The following SORCS2 variants were observed in gnomAD, a reference collection of about 807,000 sequenced individuals.
The protein encoded by SORCS2 is sortilin related VPS10 domain containing receptor 2, also known as VPS10 domain-containing receptor SorCS2.
SORCS2 carries 100 observed loss-of-function variants against 141.6 expected under a neutral mutation model. The observed-to-expected ratio is 0.71, with a 90% CI of 0.60 to 0.83. The LOEUF is 0.83. Ranked by LOEUF, SORCS2 falls within the 40% of genes least tolerant of loss-of-function variation. The pLI, the probability that SORCS2 is intolerant of heterozygous loss-of-function variation, is 0.00. For synonymous variants in SORCS2, 789 were observed against 676.9 expected (o/e 1.17, Z -2.57); for missense variants, 1,646 against 1,560.2 (o/e 1.05, Z -0.93).
intron 1 of SORCS2, among the ~76,000 whole-genome samples, chr4:7,304,620 G>T (rs1163657352): frequency 2.0e-5 from 3 of 152,180 alleles, no homozygotes; most frequent in Non-Finnish European, 2.9e-5. Context: ...CTTAGCCCTC[G>T]ATTCTTCCTC....
chr4:7,374,684 C>A (rs949495024), intron 1 of SORCS2, among the ~76,000 whole-genome samples: 1 of 152,144 alleles, frequency 6.6e-6, no homozygotes, highest in African/African-American at 2.4e-5. Context: ...CGCTGAACAG[C>A]CCACACATTT....
chr4:7,617,924 G>A (rs940214260), intron 3 of SORCS2, among the ~76,000 whole-genome samples: 8 of 152,132 alleles, frequency 5.3e-5, no homozygotes, highest in Non-Finnish European at 8.8e-5. Flanking sequence ...TCTGGGATTC[G>A]CAGTCAGGAG....
chr4:7,232,835 G>C (rs1427608405), intron 1 of SORCS2, among the ~76,000 whole-genome samples: 2 of 152,218 alleles, frequency 1.3e-5, no homozygotes, highest in African/African-American at 2.4e-5. Context: ...CCAACAGACT[G>C]TCATGTGTCA....
chr4:7,736,996 C>G, intron 25 of SORCS2, 73 bp from the exon 26 acceptor site: 2 of 1,532,180 alleles, frequency 1.3e-6, no homozygotes, highest in South Asian at 2.4e-5. Flanking sequence ...GTCAGGCGGC[C>G]AGCGGAAGGC....
At chr4:7,199,193 G>C (rs1394457225) in intron 1 of SORCS2, among the ~76,000 whole-genome samples, 1 of 152,216 alleles carries the variant, frequency 6.6e-6, no homozygotes, top group Non-Finnish European at 1.5e-5. Flanking sequence ...GCAGAGGAAG[G>C]GCCTGGAGCC....
At chr4:7,510,655 A>C (rs1351938341) in intron 2 of SORCS2, among the ~76,000 whole-genome samples, 1 of 150,352 alleles carries the variant, frequency 6.7e-6, no homozygotes, top group Non-Finnish European at 1.5e-5. Context: ...TGGGTGCGGC[A>C]TGTCCTGGAA....
intron 1 of SORCS2, among the ~76,000 whole-genome samples, chr4:7,317,745 A>G (rs2336114): frequency 0.59 from 89,597 of 152,028 alleles, 26,485 homozygotes; most frequent in South Asian, 0.72. Flanking sequence ...AATTTCACCC[A>G]TATCACTTCC....
intron 1 of SORCS2, among the ~76,000 whole-genome samples, chr4:7,307,414 G>C (rs1012702911): frequency 2.6e-5 from 4 of 152,230 alleles, no homozygotes; most frequent in African/African-American, 9.6e-5. Flanking sequence ...CCATTGCTGT[G>C]GTCCATCCAG....
chr4:7,670,980 A>G (rs1722765750), intron 8 of SORCS2, among the ~76,000 whole-genome samples: 1 of 152,182 alleles, frequency 6.6e-6, no homozygotes, highest in Admixed American at 6.5e-5. Flanking sequence ...GTTACAGCCT[A>G]TTTTCCTCTC....
chr4:7,613,354 GC>G (rs1718547448), intron 3 of SORCS2, among the ~76,000 whole-genome samples: 2 of 152,244 alleles, frequency 1.3e-5, no homozygotes, highest in Admixed American at 6.5e-5. Flanking sequence ...TGTCTGTTCA[GC>G]GGGGCTCTGC....
At chr4:7,672,451 T>A (rs1722857119) in intron 8 of SORCS2, among the ~76,000 whole-genome samples, 2 of 152,194 alleles carry the variant, frequency 1.3e-5, no homozygotes, top group South Asian at 4.2e-4. Flanking sequence ...TATATAAACA[T>A]CTATGAAGAA....
intron 1 of SORCS2, among the ~76,000 whole-genome samples, chr4:7,337,700 G>A (rs937933826): frequency 6.6e-6 from 1 of 152,186 alleles, no homozygotes; most frequent in Non-Finnish European, 1.5e-5. Context: ...CCTGGCTGCA[G>A]AGTCTAATGG....
chr4:7,726,920 G>A lies in SORCS2; in HGVS notation c.2869+17G>A. The A allele has an allele frequency of 6.2e-7, 1 of 1,607,722 alleles. No homozygotes were observed. Among genetic ancestry groups the A allele is most frequent in the African/African-American group, 1.3e-5 (1 of 74,888 alleles). On this transcript the variant is annotated intron_variant, in intron 21 of 26. Transcript: ENST00000507866. ...GTGTGCTGGGTAAGTACTTCCTGGG[G>A]TCTGGCAGCACGGCCTCTGCATCTC...
intron 1 of SORCS2, among the ~76,000 whole-genome samples, chr4:7,197,310 A>G (rs935242719): frequency 2.0e-5 from 3 of 152,188 alleles, no homozygotes; most frequent in African/African-American, 4.8e-5. Context: ...TTGAAGTGCT[A>G]AGGACTTCAA....
intron 1 of SORCS2, among the ~76,000 whole-genome samples, chr4:7,291,423 T>C (rs1716595531): frequency 6.6e-6 from 1 of 151,804 alleles, no homozygotes; most frequent in Admixed American, 6.6e-5. Flanking sequence ...AGCGAGGGGC[T>C]GGTGGTGCCG....
At chr4:7,223,533 T>C (rs1728833582) in intron 1 of SORCS2, among the ~76,000 whole-genome samples, 1 of 152,190 alleles carries the variant, frequency 6.6e-6, no homozygotes, top group Non-Finnish European at 1.5e-5. Context: ...TACAACTCTT[T>C]ATCTGTGTGT....
chr4:7,475,789 G>C (rs1346634108), intron 2 of SORCS2, among the ~76,000 whole-genome samples: 1 of 152,262 alleles, frequency 6.6e-6, no homozygotes, highest in East Asian at 1.9e-4. Flanking sequence ...GCCTGGCCCA[G>C]GCCTTTGGAA....
At chr4:7,313,604 C>G (rs967012511) in intron 1 of SORCS2, among the ~76,000 whole-genome samples, 2 of 152,142 alleles carry the variant, frequency 1.3e-5, no homozygotes, top group African/African-American at 4.8e-5. Context: ...TGTGGAAGGG[C>G]CATAGATGAA....
chr4:7,365,437 G>A (rs1369904875), intron 1 of SORCS2, among the ~76,000 whole-genome samples: 1 of 152,172 alleles, frequency 6.6e-6, no homozygotes, highest in Non-Finnish European at 1.5e-5. Flanking sequence ...CTGAGATGGG[G>A]AGCTGGGACA....
Sources: allele counts gnomAD v4.1 joint callset (sites outside exome capture counted in the v4.1 genomes callset), GRCh38; gene constraint gnomAD v4.1.1; transcripts MANE v1.5; gene names NCBI Gene and HGNC (gene_info 2026-07-23, HGNC 2026-07-21).